HCN1: variants seen among roughly 807,000 people sequenced by gnomAD.
The protein encoded by HCN1 is potassium/sodium hyperpolarization-activated cyclic nucleotide-gated channel 1.
A neutral mutation model predicts 78.9 loss-of-function variants in HCN1; 13 were observed. The observed-to-expected ratio is 0.16, with a 90% CI of 0.11 to 0.26. HCN1 has a LOEUF of 0.26. Ranked by LOEUF, HCN1 falls within the 10% of genes least tolerant of loss-of-function variation. HCN1 has a pLI of 1.00. For missense variants in HCN1, 810 were observed against 1,154.3 expected (o/e 0.70, Z 4.32); for synonymous variants, 552 against 455.5 (o/e 1.21, Z -2.70).
At chr5:45,294,834 C>A (rs1579786270) in intron 6 of HCN1, among the ~76,000 whole-genome samples, 1 of 151,960 alleles carries the variant, frequency 6.6e-6, no homozygotes, top group South Asian at 2.1e-4. Context: ...ATAATCATGC[C>A]CCTCTTAAGA....
chr5:45,298,692 G>A (rs1269715700), intron 6 of HCN1, among the ~76,000 whole-genome samples: 2 of 151,926 alleles, frequency 1.3e-5, no homozygotes, highest in African/African-American at 4.8e-5. Flanking sequence ...TTCCTGTTCA[G>A]GATGATTTCA....
At position 45,517,819 on chromosome 5, in the gene HCN1, T is replaced by C. The variant is rs527333297; in HGVS notation, c.850-55812A>G. Among the ~76,000 whole-genome samples the C allele has an allele frequency of 3.9e-5, 6 of 152,110 alleles. No individual in the cohort carries two copies. The South Asian group carries it at 1.2e-3, about 32-fold the overall frequency. On this transcript the variant is annotated intron_variant, in intron 2 of 7. Coordinates refer to ENST00000303230, the MANE Select transcript of HCN1 (RefSeq NM_021072.4). ...GGCAAAGAAAGCTAAAAGGACATGA[T>C]AATATCCCCAATGAAATGATGTTGT...
At chr5:45,499,588 C>T (rs183263085) in intron 2 of HCN1, among the ~76,000 whole-genome samples, 6 of 152,264 alleles carry the variant, frequency 3.9e-5, no homozygotes, top group African/African-American at 1.4e-4. Flanking sequence ...TGGAGCTGTT[C>T]CTTTTTGGCC....
chr5:45,627,264 AC>A (rs1449781041), intron 2 of HCN1, among the ~76,000 whole-genome samples: 1 of 152,206 alleles, frequency 6.6e-6, no homozygotes, highest in Non-Finnish European at 1.5e-5. Context: ...ACACCAAGTC[AC>A]TAGAAGGCTT....
At chr5:45,588,764 A>G (rs1463483390) in intron 2 of HCN1, among the ~76,000 whole-genome samples, 1 of 152,124 alleles carries the variant, frequency 6.6e-6, no homozygotes, top group African/African-American at 2.4e-5. Flanking sequence ...GCTTTTCTCT[A>G]TTACTGCTAA....
chr5:45,672,762 C>T (rs976755043), intron 1 of HCN1, among the ~76,000 whole-genome samples: 2 of 151,186 alleles, frequency 1.3e-5, no homozygotes, highest in Non-Finnish European at 3.0e-5. Context: ...TCTCTGAGTC[C>T]TTGTTAATTA....
chr5:45,379,876 G>A (rs1364106161), intron 4 of HCN1, among the ~76,000 whole-genome samples: 4 of 151,748 alleles, frequency 2.6e-5, no homozygotes, highest in Admixed American at 2.6e-4. Context: ...CTTCTGTTTG[G>A]GATAATGGAA....
intron 5 of HCN1, among the ~76,000 whole-genome samples, chr5:45,307,398 A>C (rs1365995574): frequency 6.6e-6 from 1 of 152,132 alleles, no homozygotes; most frequent in East Asian, 1.9e-4. Context: ...AAAAGAGGGG[A>C]AAAGTAGTAA....
chr5:45,555,667 C>G (rs1743454187), intron 2 of HCN1, among the ~76,000 whole-genome samples: 1 of 151,274 alleles, frequency 6.6e-6, no homozygotes, highest in African/African-American at 2.4e-5. Context: ...CTATGGTAAG[C>G]AAAAACAGCA....
At chr5:45,412,324 A>G (rs1274447337) in intron 3 of HCN1, among the ~76,000 whole-genome samples, 2 of 152,036 alleles carry the variant, frequency 1.3e-5, no homozygotes, top group Non-Finnish European at 2.9e-5. Flanking sequence ...GTATCTGTGT[A>G]TATCTACCCC....
intron 1 of HCN1, among the ~76,000 whole-genome samples, chr5:45,657,036 A>G (rs1237746272): frequency 6.6e-6 from 1 of 152,144 alleles, no homozygotes; most frequent in Non-Finnish European, 1.5e-5. Context: ...AGAATGGGTG[A>G]TGTGTCAAGG....
intron 2 of HCN1, among the ~76,000 whole-genome samples, chr5:45,612,376 C>T (rs1744855904): frequency 6.6e-6 from 1 of 152,130 alleles, no homozygotes; most frequent in South Asian, 2.1e-4. Flanking sequence ...CTCTTGGAGG[C>T]AAGGTTTGTG....
At chr5:45,336,608 A>C (rs954849523) in intron 5 of HCN1, among the ~76,000 whole-genome samples, 2 of 152,080 alleles carry the variant, frequency 1.3e-5, no homozygotes, top group African/African-American at 4.8e-5. Flanking sequence ...TCATTGACAT[A>C]ATCTAGGTAG....
chr5:45,614,692 G>A (rs960901386), intron 2 of HCN1, among the ~76,000 whole-genome samples: 5 of 151,790 alleles, frequency 3.3e-5, no homozygotes, highest in East Asian at 3.9e-4. Context: ...TCCTTAAATC[G>A]TTTTAATACT....
At position 45,261,121 on chromosome 5, in the gene HCN1, T is replaced by TGAAGCAATAA. The variant is rs1744729206; in HGVS notation, c.*790_*799dup. 1 of 152,656 alleles carries TGAAGCAATAA rather than the reference T, an allele frequency of 6.6e-6. No homozygotes were observed. The highest frequency in any genetic ancestry group is 2.1e-4 in the South Asian group (1 of 4,836). The allele number at this position is 152,656 out of a possible 1,614,324, so 9.5% of individuals were successfully genotyped here. A position where few individuals can be genotyped will look rare whatever the true frequency, so the allele number is the denominator to read the frequency against. ...AAATTTAAAACTCTAAGTTTTGAAG[T>TGAAGCAATAA]GAAGCAATAAAACTAAATTCTTAAA... On this transcript the variant is annotated 3_prime_UTR_variant, in exon 8 of 8. Transcript: ENST00000303230.
chr5:45,487,914 A>G (rs1741801659), intron 2 of HCN1, among the ~76,000 whole-genome samples: 1 of 152,120 alleles, frequency 6.6e-6, no homozygotes, highest in Admixed American at 6.6e-5. Flanking sequence ...TATTGATTTG[A>G]TATCTCCTCT....
In HCN1 at chr5:45,628,985, T is replaced by TAA. The variant is rs201496606; in HGVS notation, c.849+16198_849+16199dup. On this transcript the variant is annotated intron_variant, in intron 2 of 7. Transcript: ENST00000303230. ...TGAAACTTCAACTCAAAATAAAAAA[T>TAA]AAAAAAAAAAAAGAAAATAAAAGAA... 5.1e-5 allele frequency among the ~76,000 whole-genome samples: 6 copies of TAA among 117,750 alleles called. No homozygotes were observed. The East Asian group carries it at 1.2e-3, about 23-fold the overall frequency. 77.2% of individuals were successfully genotyped at this position (117,750 alleles called of 152,430 possible).
intron 6 of HCN1, among the ~76,000 whole-genome samples, chr5:45,289,262 G>A (rs1374974358): frequency 6.6e-6 from 1 of 152,012 alleles, no homozygotes; most frequent in African/African-American, 2.4e-5. Flanking sequence ...CATACAGAAA[G>A]ATGGTATTAC....
At chr5:45,480,197 C>T (rs948926412) in intron 2 of HCN1, 46 of 152,622 alleles carry the variant, frequency 3.0e-4, no homozygotes, top group African/African-American at 9.6e-4. Context: ...TTATTATAAA[C>T]CTGCTCATTC....
Sources: allele counts gnomAD v4.1 joint callset (sites outside exome capture counted in the v4.1 genomes callset), GRCh38; gene constraint gnomAD v4.1.1; transcripts MANE v1.5; gene names NCBI Gene and HGNC (gene_info 2026-07-23, HGNC 2026-07-21).